NRXN1: variants seen among roughly 807,000 people sequenced by gnomAD.
NRXN1 encodes the protein neurexin 1.
NRXN1 carries 39 observed loss-of-function variants against 150.9 expected under a neutral mutation model. The ratio of observed to expected loss-of-function variants is 0.26; its 90% CI spans 0.20 to 0.34. NRXN1 has a LOEUF of 0.34. Ranked by LOEUF, NRXN1 falls within the 10% of genes least tolerant of loss-of-function variation. The pLI, the probability that NRXN1 is intolerant of heterozygous loss-of-function variation, is 1.00. For missense variants in NRXN1, 1,815 were observed against 1,949.9 expected, an observed-to-expected ratio of 0.93 and a Z score of 1.30; for synonymous variants, 924 against 757.0, an observed-to-expected ratio of 1.22 and a Z score of -3.62.
At chr2:50,967,738 T>C (rs972291363) in intron 2 of NRXN1, among the ~76,000 whole-genome samples, 13 of 151,932 alleles carry the variant, frequency 8.6e-5, no homozygotes, top group African/African-American at 2.9e-4. Flanking sequence ...AGTAAGTAGC[T>C]TTTACCTCTG....
intron 21 of NRXN1, among the ~76,000 whole-genome samples, chr2:49,993,580 A>G (rs1471098690): frequency 1.3e-5 from 2 of 152,126 alleles, no homozygotes; most frequent in African/African-American, 2.4e-5. Flanking sequence ...AGGCTCACCA[A>G]TTGTAACAAA....
chr2:50,364,743 C>G (rs2079468819), intron 17 of NRXN1, among the ~76,000 whole-genome samples: 1 of 152,010 alleles, frequency 6.6e-6, no homozygotes, highest in African/African-American at 2.4e-5. Context: ...TCTCTTTTGG[C>G]AGTAGCAACC....
At position 50,186,677 on chromosome 2, in the gene NRXN1, C is replaced by T. The variant is rs149767020; in HGVS notation, c.3546+50112G>A. ...TTTCCTTTGCTGTGCATCATGTATG[C>T]TTTACTCAAAGGCCGAAAAGACATA... is the stretch of plus-strand genomic sequence containing the variant. On this transcript the variant is annotated intron_variant, in intron 18 of 22. Transcript: ENST00000401669. 6.9e-4 allele frequency among the ~76,000 whole-genome samples: 105 copies of T among 152,090 alleles called. 2 individuals carry two copies. The East Asian group carries it at 0.015, about 22-fold the overall frequency.
At chr2:50,580,422 G>A (rs1467469614) in intron 8 of NRXN1, among the ~76,000 whole-genome samples, 1 of 152,042 alleles carries the variant, frequency 6.6e-6, no homozygotes, top group African/African-American at 2.4e-5. Flanking sequence ...CAACACATTG[G>A]TGTTAATTAA....
chr2:50,794,714 A>T (rs1706547697), intron 5 of NRXN1, among the ~76,000 whole-genome samples: 1 of 152,186 alleles, frequency 6.6e-6, no homozygotes, highest in African/African-American at 2.4e-5. Context: ...GCATATTTTT[A>T]AATAAATGCG....
chr2:50,049,537 G>T (rs558632343), intron 21 of NRXN1, among the ~76,000 whole-genome samples: 1 of 152,216 alleles, frequency 6.6e-6, no homozygotes, highest in South Asian at 2.1e-4. Flanking sequence ...TCTACAGTAT[G>T]TATGTATTCT....
chr2:50,393,088 A>G (rs1326759029), intron 17 of NRXN1, among the ~76,000 whole-genome samples: 1 of 152,076 alleles, frequency 6.6e-6, no homozygotes, highest in Non-Finnish European at 1.5e-5. Context: ...AACAGGTGCC[A>G]TCTCAAGAGA....
chr2:50,749,748 T>C (rs145624630), intron 5 of NRXN1, among the ~76,000 whole-genome samples: 144 of 152,098 alleles, frequency 9.5e-4, no homozygotes, highest in African/African-American at 3.4e-3. Flanking sequence ...GATCTGAAAA[T>C]AACCTCAAAG....
chr2:50,865,481 C>A (rs1676749593), intron 5 of NRXN1, among the ~76,000 whole-genome samples: 2 of 151,066 alleles, frequency 1.3e-5, no homozygotes, highest in African/African-American at 4.9e-5. Context: ...GGAAGAACAC[C>A]AAAAGCTGAG....
chr2:49,973,460 C>A (rs914730418), intron 21 of NRXN1, among the ~76,000 whole-genome samples: 2 of 152,142 alleles, frequency 1.3e-5, no homozygotes, highest in Non-Finnish European at 2.9e-5. Flanking sequence ...GAAAATCCCA[C>A]TCTGCCACAA....
chr2:50,074,887 C>A (rs1305723460), intron 19 of NRXN1, among the ~76,000 whole-genome samples: 2 of 152,090 alleles, frequency 1.3e-5, no homozygotes, highest in Non-Finnish European at 2.9e-5. Context: ...ACATGAAATA[C>A]CTTAATTCCA....
chr2:50,475,280 T>A (rs898707306), intron 15 of NRXN1, among the ~76,000 whole-genome samples: 1 of 152,076 alleles, frequency 6.6e-6, no homozygotes, highest in Non-Finnish European at 1.5e-5. Context: ...GACTGTAACC[T>A]CCTGAAGGAG....
At chr2:50,337,105 C>T (rs185944100) in intron 17 of NRXN1, among the ~76,000 whole-genome samples, 155 of 133,208 alleles carry the variant, frequency 1.2e-3, no homozygotes, top group African/African-American at 1.3e-3. Context: ...TTTTTTGAGA[C>T]GGAGTTTAGC....
intron 17 of NRXN1, among the ~76,000 whole-genome samples, chr2:50,357,342 C>T (rs2078893987): frequency 6.6e-6 from 1 of 151,530 alleles, no homozygotes; most frequent in Admixed American, 6.6e-5. Flanking sequence ...AAGTTTCACT[C>T]TTGTTGCCCA....
At chr2:50,513,686 G>A (rs1427079245) in intron 12 of NRXN1, among the ~76,000 whole-genome samples, 1 of 151,960 alleles carries the variant, frequency 6.6e-6, no homozygotes, top group African/African-American at 2.4e-5. Flanking sequence ...ATATAGTGAA[G>A]AGAAATAGAG....
intron 17 of NRXN1, among the ~76,000 whole-genome samples, chr2:50,391,846 T>C (rs983012617): frequency 2.0e-5 from 3 of 152,154 alleles, no homozygotes; most frequent in African/African-American, 7.2e-5. Context: ...GTCTCTTCTC[T>C]TTTTACATGC....
chr2:51,023,486 C>T (rs547507372), intron 2 of NRXN1, among the ~76,000 whole-genome samples: 1 of 152,146 alleles, frequency 6.6e-6, no homozygotes, highest in South Asian at 2.1e-4. Flanking sequence ...TTTTCCTCTG[C>T]CTTAATTTGG....
At chr2:50,858,471 T>A (rs1193847446) in intron 5 of NRXN1, among the ~76,000 whole-genome samples, 1 of 152,052 alleles carries the variant, frequency 6.6e-6, no homozygotes, top group Non-Finnish European at 1.5e-5. Context: ...AACAGCTTTC[T>A]CCACTCAAAC....
chr2:50,474,626 C>T (rs1048975461), intron 15 of NRXN1, among the ~76,000 whole-genome samples: 3 of 140,644 alleles, frequency 2.1e-5, no homozygotes, highest in Admixed American at 7.7e-5. Flanking sequence ...CACAACGTTC[C>T]GTACTCCTCT....
Sources: allele counts gnomAD v4.1 joint callset (sites outside exome capture counted in the v4.1 genomes callset), GRCh38; gene constraint gnomAD v4.1.1; transcripts MANE v1.5; gene names NCBI Gene and HGNC (gene_info 2026-07-23, HGNC 2026-07-21).